Variants in KHDRBS2 observed in about 807,000 individuals in gnomAD.
KHDRBS2 encodes the protein KH RNA binding domain containing, signal transduction associated 2.
In KHDRBS2, 26 loss-of-function variants were observed where a neutral mutation model predicts 44.3. The observed-to-expected ratio is 0.59, with a 90% CI of 0.43 to 0.81. KHDRBS2 has a LOEUF of 0.81. Among genes scored for constraint, KHDRBS2 ranks in the 40% least tolerant of loss-of-function variants. The probability of loss-of-function intolerance (pLI) is 0.00; values close to 1 mark genes in which losing one functional copy is unlikely to be tolerated. For missense variants in KHDRBS2, 476 were observed against 433.1 expected, an observed-to-expected ratio of 1.10 and a Z score of -0.88; for synonymous variants, 194 against 151.1, an observed-to-expected ratio of 1.28 and a Z score of -2.08.
At chr6:62,070,152 T>A (rs1468561300) in intron 2 of KHDRBS2, among the ~76,000 whole-genome samples, 2 of 151,736 alleles carry the variant, frequency 1.3e-5, no homozygotes, top group African/African-American at 4.8e-5. Context: ...CCCTGAGAGG[T>A]CCCTCTTTGC....
At chr6:61,563,547 G>A in the KHDRBS2 span, among the ~76,000 whole-genome samples, 1 of 151,992 alleles carries the variant, frequency 6.6e-6, no homozygotes, top group Admixed American at 6.6e-5. Flanking sequence ...AATATTGATA[G>A]GAACAATTTA....
At chr6:61,940,245 A>G (rs1476674711) in intron 4 of KHDRBS2, among the ~76,000 whole-genome samples, 1 of 56,594 alleles carries the variant, frequency 1.8e-5, no homozygotes, top group East Asian at 6.9e-4. Flanking sequence ...AAAAGTTCAA[A>G]AAAAAAAAAG....
chr6:62,013,212 T>A (rs550677082), intron 3 of KHDRBS2, among the ~76,000 whole-genome samples: 15 of 152,292 alleles, frequency 9.8e-5, no homozygotes, highest in Non-Finnish European at 1.9e-4. Flanking sequence ...TTATTCATAC[T>A]TCTAGATAGC....
chr6:61,548,227 A>G, the KHDRBS2 span, among the ~76,000 whole-genome samples: 1 of 152,154 alleles, frequency 6.6e-6, no homozygotes, highest in Non-Finnish European at 1.5e-5. Context: ...AACATTGAAG[A>G]CAAACTAAGG....
At chr6:62,252,311 T>C (rs1275713929) in intron 1 of KHDRBS2, among the ~76,000 whole-genome samples, 1 of 151,986 alleles carries the variant, frequency 6.6e-6, no homozygotes, top group Admixed American at 6.6e-5. Flanking sequence ...ATCATATCAC[T>C]GCTGGTCTTC....
At chr6:61,804,297 G>A (rs1054534704) in intron 6 of KHDRBS2, among the ~76,000 whole-genome samples, 4 of 152,144 alleles carry the variant, frequency 2.6e-5, no homozygotes, top group Non-Finnish European at 4.4e-5. Context: ...TCCAGATCAC[G>A]ATGATGCAAG....
chr6:61,664,806 T>C, the KHDRBS2 span, among the ~76,000 whole-genome samples: 26 of 151,750 alleles, frequency 1.7e-4, no homozygotes, highest in African/African-American at 5.8e-4. Context: ...ACTGTTTCAC[T>C]GAAATATATT....
chr6:62,241,363 TC>T (rs1834641259), intron 1 of KHDRBS2, among the ~76,000 whole-genome samples: 1 of 152,160 alleles, frequency 6.6e-6, no homozygotes, highest in African/African-American at 2.4e-5. Flanking sequence ...AGATACAAGG[TC>T]ATTCAAAAGT....
At chr6:61,816,883 A>G in intron 6 of KHDRBS2, 1 of 451,460 alleles carries the variant, frequency 2.2e-6, no homozygotes, top group Non-Finnish European at 4.5e-6. Flanking sequence ...TAAACCATAC[A>G]CTTTTACAAT....
chr6:61,819,654 A>T (rs1789558346), intron 6 of KHDRBS2, among the ~76,000 whole-genome samples: 1 of 152,068 alleles, frequency 6.6e-6, no homozygotes, highest in Non-Finnish European at 1.5e-5. Flanking sequence ...ATTCATGTTT[A>T]TAAATATTGT....
intron 6 of KHDRBS2, among the ~76,000 whole-genome samples, chr6:61,826,782 C>A (rs1790938637): frequency 6.6e-6 from 1 of 152,108 alleles, no homozygotes; most frequent in Non-Finnish European, 1.5e-5. Context: ...CTTTGGGAGA[C>A]ATTTCTACTC....
chr6:62,119,663 C>T (rs972322694), intron 2 of KHDRBS2, among the ~76,000 whole-genome samples: 3 of 152,186 alleles, frequency 2.0e-5, no homozygotes, highest in Non-Finnish European at 2.9e-5. Flanking sequence ...AGCTTGTAAA[C>T]TCTGATAAGC....
At chr6:62,191,552 C>A (rs1260148643) in intron 1 of KHDRBS2, among the ~76,000 whole-genome samples, 1 of 152,102 alleles carries the variant, frequency 6.6e-6, no homozygotes, top group South Asian at 2.1e-4. Context: ...AAGCCAAGGA[C>A]CATATCACAT....
intron 2 of KHDRBS2, among the ~76,000 whole-genome samples, chr6:62,103,187 G>A (rs1462348491): frequency 1.3e-5 from 2 of 152,124 alleles, no homozygotes; most frequent in Admixed American, 6.5e-5. Flanking sequence ...CAGCTTCCAG[G>A]CTTCCAGTCA....
At position 61,856,713 on chromosome 6, in the gene KHDRBS2, G is replaced by C. The variant is rs772431630; in HGVS notation, c.810+37922C>G. 2.6e-5 allele frequency among the ~76,000 whole-genome samples: 4 copies of C among 152,048 alleles called. No homozygotes were observed. In the East Asian group the frequency reaches 7.7e-4, roughly 29 times the overall value. On this transcript the variant is annotated intron_variant, in intron 6 of 8. Transcript: ENST00000281156. ...AGTTGGTATGTTGTTTTGTAAAACC[G>C]TCATAGCCTGTCCTCTTCCTTCCCC... is the stretch of plus-strand genomic sequence containing the variant.
chr6:61,561,639 C>T, the KHDRBS2 span, among the ~76,000 whole-genome samples: 1 of 152,148 alleles, frequency 6.6e-6, no homozygotes, highest in South Asian at 2.1e-4. Context: ...ACAACAGACA[C>T]ATGAGAGTAT....
rs546306751 is a variant in KHDRBS2, at chr6:62,258,961, G to T, written c.91+26897C>A. Among the ~76,000 whole-genome samples, 12 of 152,074 alleles carry T rather than the reference G, an allele frequency of 7.9e-5. No individual in the cohort carries two copies. The South Asian group carries it at 2.5e-3, about 32-fold the overall frequency. Reference sequence around the variant, plus strand: ...AGGTGCAATGACTTCACTTCAAAGAGAAGAAAATTAGGAAAAGGGAAATTG... The same window carrying T: ...AGGTGCAATGACTTCACTTCAAAGATAAGAAAATTAGGAAAAGGGAAATTG... On this transcript the variant is annotated intron_variant, in intron 1 of 8. Coordinates refer to ENST00000281156, the MANE Select transcript of KHDRBS2 (RefSeq NM_152688.4).
the KHDRBS2 span, among the ~76,000 whole-genome samples, chr6:61,653,177 G>A: frequency 6.6e-6 from 1 of 152,018 alleles, no homozygotes; most frequent in Non-Finnish European, 1.5e-5. Context: ...CACAGAGAGA[G>A]GATGCAATTT....
At chr6:61,862,516 C>A (rs1362941978) in intron 6 of KHDRBS2, among the ~76,000 whole-genome samples, 1 of 151,922 alleles carries the variant, frequency 6.6e-6, no homozygotes, top group Non-Finnish European at 1.5e-5. Flanking sequence ...TAATTGAGAA[C>A]ACTTAACATA....
Sources: gnomAD v4.1 joint callset for allele counts (sites outside exome capture counted in the v4.1 genomes callset) on GRCh38, gnomAD v4.1.1 for gene constraint, MANE v1.5 for transcripts, NCBI Gene and HGNC (gene_info 2026-07-23, HGNC 2026-07-21) for gene names.